Variants in BRAT1 observed in about 807,000 individuals in gnomAD.
BRAT1 encodes BRCA1 associated ATM activator 1.
BRAT1 carries 74 observed loss-of-function variants against 70.6 expected under a neutral mutation model. The ratio of observed to expected loss-of-function variants is 1.05; its 90% confidence interval spans 0.87 to 1.27. The LOEUF is 1.27. Among genes scored for constraint, BRAT1 ranks in the 50% most tolerant of loss-of-function variants. BRAT1 has a pLI of 0.00. For missense variants in BRAT1, 1,203 were observed against 1,098.2 expected, an observed-to-expected ratio of 1.10 and a Z score of -1.35; for synonymous variants, 615 against 517.1, an observed-to-expected ratio of 1.19 and a Z score of -2.57.
chr7:2,554,804 A>T (rs1223141282), intron 1 of BRAT1, among the ~76,000 whole-genome samples: 1 of 152,134 alleles, frequency 6.6e-6, no homozygotes, highest in Non-Finnish European at 1.5e-5. Flanking sequence ...GGCATCTTTG[A>T]GTTCCGGGGT....
At chr7:2,545,131 CGAG>C (rs928027437) in intron 3 of BRAT1, 75 bp from the exon 4 acceptor site, 21 of 1,407,764 alleles carry the variant, frequency 1.5e-5, no homozygotes, top group Middle Eastern at 2.1e-4. Context: ...TTTGGGAGGC[CGAG>C]GAGGGCAGAT....
chr7:2,538,791 G>A (rs1236522078), intron 13 of BRAT1, 27 bp from the exon 14 acceptor site: 5 of 1,597,112 alleles, frequency 3.1e-6, no homozygotes, highest in South Asian at 1.1e-5. Context: ...AAGTGCGGAT[G>A]GTTGGTGGGG....
chr7:2,546,314 C>T (rs1779604533), intron 3 of BRAT1, among the ~76,000 whole-genome samples: 1 of 152,014 alleles, frequency 6.6e-6, no homozygotes, highest in South Asian at 2.1e-4. Context: ...GGTTCATGCA[C>T]CTGTGGACCC....
chr7:2,548,003 G>C (rs573837418), intron 2 of BRAT1, among the ~76,000 whole-genome samples: 22 of 150,326 alleles, frequency 1.5e-4, no homozygotes, highest in African/African-American at 5.4e-4. Flanking sequence ...AGAATCGCTT[G>C]AACCTGGGAG....
intron 9 of BRAT1, 24 bp from the exon 10 acceptor site, chr7:2,541,076 A>ACCCCCCCCCCCCCCCCCCCCC: frequency 7.5e-7 from 1 of 1,334,126 alleles, no homozygotes; most frequent in Non-Finnish European, 9.9e-7. Context: ...GAGTGGATAA[A>ACCCCCCCCCCCCCCCCCCCCC]CCACCCCCAC....
chr7:2,539,379 T>C, intron 12 of BRAT1, 28 bp from the exon 13 acceptor site: 1 of 1,586,092 alleles, frequency 6.3e-7, no homozygotes, highest in Non-Finnish European at 8.6e-7. Context: ...CACATGCAGC[T>C]GTGACTGAGG....
chr7:2,538,039 C>A lies in BRAT1; in HGVS notation c.*30G>T. On this transcript the variant is annotated 3_prime_UTR_variant, in exon 14 of 14. Transcript: ENST00000340611. ...GGACATGGTGCTGCCTCCCTTGGTC[C>A]TGAGCCCCAGTGGCAGACTCTGGTT... 1 of 1,521,448 alleles carries A rather than the reference C, an allele frequency of 6.6e-7. No homozygotes were observed. Among genetic ancestry groups the A allele is most frequent in the Non-Finnish European group, 8.8e-7 (1 of 1,132,212 alleles). The allele number at this position is 1,521,448 out of a possible 1,614,324, so 94.2% of individuals were successfully genotyped here.
At position 2,543,965 on chromosome 7, in the gene BRAT1, G is replaced by T; in HGVS notation, c.431-3C>A. 6.4e-7 allele frequency: 1 copy of T among 1,561,668 alleles called. No individual in the cohort carries two copies. The highest frequency in any genetic ancestry group is 8.7e-7 in the Non-Finnish European group (1 of 1,147,588). On this transcript the variant is annotated splice_region_variant and splice_polypyrimidine_tract_variant and intron_variant, in intron 4 of 13. Coordinates refer to ENST00000340611, the MANE Select transcript of BRAT1 (RefSeq NM_152743.4). The surrounding 1 kb of genome is among the most constrained non-coding windows in gnomAD (Gnocchi z 5.5). ...GGAGAAGATGGTGTCGACCGCACCT[G>T]GGTAGGGGATGGGGGAAGAGAGGGA... is the stretch of plus-strand genomic sequence containing the variant.
rs1352709256 is a variant in BRAT1 at position 2,542,073 on chromosome 7, C to T, written c.1015+47G>A. 1.0e-5 allele frequency: 15 copies of T among 1,444,020 alleles called. No individual in the cohort carries two copies. The Admixed American group carries it at 1.6e-4, about 15-fold the overall frequency. 89.5% of individuals were successfully genotyped at this position (1,444,020 alleles called of 1,614,324 possible). On this transcript the variant is annotated intron_variant, in intron 7 of 13. Coordinates refer to ENST00000340611, the MANE Select transcript of BRAT1 (RefSeq NM_152743.4). The stretch of plus-strand genomic sequence containing the variant: ...TCTCATCCATCTCCCTTCCCCCAGC[C>T]GCAGGGACCCAGGTTCTGCCCTCCC...
In BRAT1 at chr7:2,538,194, G is replaced by T; in HGVS notation, c.2341C>A (p.Leu781Met). 2 of 1,609,986 alleles carry T rather than the reference G, an allele frequency of 1.2e-6. No homozygotes were observed. Among genetic ancestry groups the T allele is most frequent in the Non-Finnish European group, 1.7e-6 (2 of 1,178,212 alleles). The change falls in exon 14 of 14, where the codon CTG becomes ATG. Residue 781 changes from leucine to methionine, a missense_variant. Transcript: ENST00000340611. The part of the protein sequence containing the change: ...AVLAMLRSLD[L>M]EGLRSTLAES... ...GCCAGCGTGCTCCGCAGGCCCTCCA[G>T]GTCTAGGGACCTGAGCATGGCCAGC...
chr7:2,548,093 CAAA>C (rs57069903), intron 2 of BRAT1, among the ~76,000 whole-genome samples: 2 of 98,818 alleles, frequency 2.0e-5, no homozygotes, highest in Non-Finnish European at 2.2e-5. Flanking sequence ...GACTCCATTC[CAAA>C]AAAAAAAAAA....
chr7:2,553,973 A>T (rs1460020600), intron 2 of BRAT1, among the ~76,000 whole-genome samples: 1 of 152,180 alleles, frequency 6.6e-6, no homozygotes. Flanking sequence ...GAAAGAAAAC[A>T]AATCTGATGT....
intron 8 of BRAT1, 66 bp downstream of exon 8, chr7:2,541,652 C>A: frequency 6.6e-7 from 1 of 1,518,442 alleles, no homozygotes; most frequent in Non-Finnish European, 8.9e-7. Flanking sequence ...GGGGCGTCAG[C>A]CTACGTTGCG....
chr7:2,538,898 C>A, intron 13 of BRAT1, 134 bp from the exon 14 acceptor site: 1 of 1,484,980 alleles, frequency 6.7e-7, no homozygotes, highest in South Asian at 1.3e-5. Flanking sequence ...GACACCTTCC[C>A]ATGCTGCGCA....
Position 2,554,342 on chromosome 7 carries a change from C to T in BRAT1, c.90G>A (p.Glu30=). The change falls in exon 2 of 14, where the codon GAG becomes GAA. Residue 30 remains glutamate (E), a synonymous_variant. Transcript: ENST00000340611. ...RQPVADDTCL[E]KLLDWFKTVT... ...CCGTTTTAAACCAGTCCAGGAGCTT[C>T]TCCAAACAGGTGTCATCTGCCACCG... The T allele has an allele frequency of 6.2e-7, 1 of 1,614,048 alleles. No homozygotes were observed.
intron 3 of BRAT1, among the ~76,000 whole-genome samples, chr7:2,545,520 C>T (rs62442588): frequency 0.43 from 60,774 of 140,476 alleles, 14,819 homozygotes; most frequent in African/African-American, 0.66. Flanking sequence ...TGAGACAGTC[C>T]CACTCTGTTG....
chr7:2,544,409 C>T (rs1779443747), intron 4 of BRAT1, among the ~76,000 whole-genome samples: 1 of 152,056 alleles, frequency 6.6e-6, no homozygotes, highest in Admixed American at 6.6e-5. Context: ...ACCATGTTGG[C>T]CAGGCTGGTC....
intron 1 of BRAT1, among the ~76,000 whole-genome samples, 192 bp downstream of exon 1, chr7:2,555,295 C>A (rs1316243633): frequency 2.0e-5 from 3 of 152,112 alleles, no homozygotes; most frequent in Admixed American, 6.5e-5. Context: ...TCAGTTTTGG[C>A]CGCGAGCGCC....
chr7:2,555,316 G>C (rs998801337), intron 1 of BRAT1, among the ~76,000 whole-genome samples, 171 bp downstream of exon 1: 2 of 152,164 alleles, frequency 1.3e-5, no homozygotes, highest in Non-Finnish European at 2.9e-5. Flanking sequence ...AGGCCCGAGA[G>C]TCCAGAAGGG....
Sources: gnomAD v4.1 joint callset for allele counts (sites outside exome capture counted in the v4.1 genomes callset) on GRCh38, gnomAD v4.1.1 for gene constraint, Gnocchi (gnomAD v3.1) non-coding constraint, MANE v1.5 for transcripts, NCBI Gene and HGNC (gene_info 2026-07-23, HGNC 2026-07-21) for gene names.